Variants in OSBPL6 observed in about 807,000 individuals in gnomAD.
The protein encoded by OSBPL6 is oxysterol binding protein like 6.
OSBPL6 carries 49 observed loss-of-function variants against 125.8 expected under a neutral mutation model. The ratio of observed to expected loss-of-function variants is 0.39; its 90% confidence interval spans 0.31 to 0.49. The LOEUF is 0.49. Among genes scored for constraint, OSBPL6 ranks in the 20% least tolerant of loss-of-function variants. The pLI, the probability that OSBPL6 is intolerant of heterozygous loss-of-function variation, is 0.88. For synonymous variants in OSBPL6, 394 were observed against 391.8 expected (o/e 1.01, Z -0.07); for missense variants, 986 against 1,135.4 (o/e 0.87, Z 1.89).
At chr2:178,209,439 C>CTTTTTT (rs71850875) in intron 1 of OSBPL6, among the ~76,000 whole-genome samples, 8 of 95,722 alleles carry the variant, frequency 8.4e-5, no homozygotes, top group Admixed American at 2.3e-4. Context: ...TTCTTTCTTT[C>CTTTTTT]TTTTTTTTTT....
At chr2:178,289,378 T>A (rs1334712186) in intron 2 of OSBPL6, among the ~76,000 whole-genome samples, 3 of 152,226 alleles carry the variant, frequency 2.0e-5, no homozygotes, top group Non-Finnish European at 4.4e-5. Context: ...CTTAGGCTTT[T>A]GTATAAGAAT....
At chr2:178,208,377 G>T (rs1421589857) in intron 1 of OSBPL6, among the ~76,000 whole-genome samples, 1 of 151,546 alleles carries the variant, frequency 6.6e-6, no homozygotes, top group Non-Finnish European at 1.5e-5. Context: ...AGTTGAGAAA[G>T]AAAAAAATGC....
At chr2:178,334,773 C>T (rs1186569499) in intron 8 of OSBPL6, among the ~76,000 whole-genome samples, 1 of 152,164 alleles carries the variant, frequency 6.6e-6, no homozygotes, top group Non-Finnish European at 1.5e-5. Flanking sequence ...CTGCCCACCT[C>T]GGCCTCCCAA....
intron 19 of OSBPL6, 123 bp downstream of exon 19, chr2:178,385,644 T>A (rs1388857357): frequency 5.5e-6 from 4 of 727,748 alleles, no homozygotes; most frequent in Non-Finnish European, 9.1e-6. Flanking sequence ...TGTTAGTAAT[T>A]GGTGCAGAGC....
intron 9 of OSBPL6, 128 bp downstream of exon 9, chr2:178,336,561 C>G: frequency 9.6e-7 from 1 of 1,043,206 alleles, no homozygotes; most frequent in Non-Finnish European, 1.4e-6. Flanking sequence ...TTTCCTTGCT[C>G]TTTCTCCCCC....
intron 1 of OSBPL6, among the ~76,000 whole-genome samples, chr2:178,211,917 A>G (rs1292290159): frequency 6.6e-6 from 1 of 152,160 alleles, no homozygotes; most frequent in African/African-American, 2.4e-5. Context: ...ATTATAACAC[A>G]TTTTAAAGGA....
chr2:178,196,162 G>C (rs2088875196), intron 1 of OSBPL6, among the ~76,000 whole-genome samples: 1 of 152,048 alleles, frequency 6.6e-6, no homozygotes, highest in Non-Finnish European at 1.5e-5. Context: ...GAGTTAGCAG[G>C]GTTCCCAAGG....
At chr2:178,367,900 C>G (rs1389213956) in intron 13 of OSBPL6, among the ~76,000 whole-genome samples, 1 of 152,182 alleles carries the variant, frequency 6.6e-6, no homozygotes, top group Non-Finnish European at 1.5e-5. Context: ...CTGTATGCCA[C>G]TAATAGCGAT....
intron 3 of OSBPL6, among the ~76,000 whole-genome samples, chr2:178,322,734 G>A (rs981570054): frequency 2.6e-5 from 4 of 151,930 alleles, no homozygotes; most frequent in South Asian, 2.1e-4. Flanking sequence ...CAAAAATTAC[G>A]TTGGAAACTT....
intron 1 of OSBPL6, among the ~76,000 whole-genome samples, chr2:178,223,298 G>A (rs2090419016): frequency 6.6e-6 from 1 of 152,052 alleles, no homozygotes; most frequent in Admixed American, 6.6e-5. Flanking sequence ...GAATTTTGTG[G>A]TTACATTCCC....
intron 11 of OSBPL6, among the ~76,000 whole-genome samples, chr2:178,340,897 T>G (rs1474432652): frequency 6.6e-6 from 1 of 152,032 alleles, no homozygotes; most frequent in Admixed American, 6.6e-5. Context: ...TACCCATGGT[T>G]TTTTTTTATT....
At chr2:178,341,399 C>T (rs1690185074) in intron 11 of OSBPL6, among the ~76,000 whole-genome samples, 1 of 149,830 alleles carries the variant, frequency 6.7e-6, no homozygotes, top group African/African-American at 2.5e-5. Flanking sequence ...AGCCTCTCAG[C>T]CTGTGGTTTT....
chr2:178,313,685 A>C (rs1228289620), intron 3 of OSBPL6, among the ~76,000 whole-genome samples: 2 of 152,250 alleles, frequency 1.3e-5, no homozygotes, highest in African/African-American at 4.8e-5. Context: ...ATAATGGTCC[A>C]TCTTTTAACA....
At chr2:178,292,870 A>T (rs537904933) in intron 2 of OSBPL6, among the ~76,000 whole-genome samples, 1 of 152,282 alleles carries the variant, frequency 6.6e-6, no homozygotes, top group East Asian at 1.9e-4. Context: ...GCCTATTCTG[A>T]GGTAACACTT....
chr2:178,317,436 C>CTATATA (rs1687840036), intron 3 of OSBPL6, among the ~76,000 whole-genome samples: 1 of 59,886 alleles, frequency 1.7e-5, no homozygotes, highest in African/African-American at 6.8e-5. Context: ...AACTTAGACA[C>CTATATA]CATATATATA....
chr2:178,211,155 C>T (rs974051354), intron 1 of OSBPL6, among the ~76,000 whole-genome samples: 1 of 152,086 alleles, frequency 6.6e-6, no homozygotes, highest in Non-Finnish European at 1.5e-5. Flanking sequence ...CCTGTAGTCC[C>T]AGCTCCTCAC....
At chr2:178,352,301 G>A (rs778932172) in intron 12 of OSBPL6, among the ~76,000 whole-genome samples, 1 of 152,224 alleles carries the variant, frequency 6.6e-6, no homozygotes, top group Non-Finnish European at 1.5e-5. Flanking sequence ...CTCCCAGGAA[G>A]CATGAGGGGT....
chr2:178,325,101 T>C lies in OSBPL6; in HGVS notation c.195+832T>C, dbSNP rs1033385595. On this transcript the variant is annotated intron_variant, in intron 4 of 24. Transcript: ENST00000190611. ...AAATTAAATTCACGTATGTCTAAAA[T>C]GTAAAAATGATAGGGAAAAGTTGGA... Among the ~76,000 whole-genome samples, 12 of 152,172 alleles carry C rather than the reference T, an allele frequency of 7.9e-5. 1 individual carries two copies. The highest frequency in any genetic ancestry group is 1.2e-4 in the Non-Finnish European group (8 of 68,030).
intron 2 of OSBPL6, among the ~76,000 whole-genome samples, chr2:178,294,867 C>CTTT (rs35140268): frequency 7.5e-6 from 1 of 133,698 alleles, no homozygotes; most frequent in Non-Finnish European, 1.6e-5. Flanking sequence ...TCACCATTAG[C>CTTT]TTTTTTTTTT....
Sources: allele counts gnomAD v4.1 joint callset (sites outside exome capture counted in the v4.1 genomes callset), GRCh38; gene constraint gnomAD v4.1.1; transcripts MANE v1.5; gene names NCBI Gene and HGNC (gene_info 2026-07-23, HGNC 2026-07-21).